The following STIL variants were observed in gnomAD, a reference collection of about 807,000 sequenced individuals.
STIL encodes STIL centriolar assembly protein.
Under a neutral mutation model 110.1 loss-of-function variants are expected in STIL, and 55 were observed. The observed-to-expected ratio is 0.50, with a 90% CI of 0.40 to 0.63. The LOEUF (loss-of-function observed/expected upper bound fraction) is 0.63, where lower values mean the gene tolerates loss of function less well. STIL is among the 20% of genes least tolerant of loss of function. The probability of loss-of-function intolerance (pLI) is 0.00; values close to 1 mark genes in which losing one functional copy is unlikely to be tolerated. For missense variants in STIL, 1,358 were observed against 1,530.0 expected (o/e 0.89, Z 1.87); for synonymous variants, 481 against 530.0 (o/e 0.91, Z 1.27).
intron 14 of STIL, among the ~76,000 whole-genome samples, chr1:47,266,364 T>G (rs547906065): frequency 6.6e-6 from 1 of 152,094 alleles, no homozygotes; most frequent in South Asian, 2.1e-4. Context: ...AGTTCACCTT[T>G]TTTTATTTTT....
Position 47,251,694 on chromosome 1 carries a change from T to C in STIL, c.3309A>G (p.Arg1103=), listed in dbSNP as rs566133357. The C allele has an allele frequency of 1.9e-6, 3 of 1,614,242 alleles. No homozygotes were observed. Among genetic ancestry groups the C allele is most frequent in the Middle Eastern group, 1.6e-4 (1 of 6,062 alleles). Residue 1103 remains arginine (R), a synonymous_variant, in exon 17 of 17, where the codon AGA becomes AGG. Coordinates refer to ENST00000371877, the MANE Select transcript of STIL (RefSeq NM_001048166.1). Reference sequence around the variant, plus strand: ...AAATTAAACTAAGCCCCACTGTGCTTCTGTCTGTATTAATATGGAGAAGGC... The same window carrying C: ...AAATTAAACTAAGCCCCACTGTGCTCCTGTCTGTATTAATATGGAGAAGGC... The part of the protein sequence containing the change: ...PFSLLHINTD[R]STVGLSLISP...
intron 13 of STIL, among the ~76,000 whole-genome samples, chr1:47,271,684 T>G (rs1042060540): frequency 2.6e-5 from 4 of 151,826 alleles, no homozygotes; most frequent in Admixed American, 1.3e-4. Context: ...CTCACGCCTG[T>G]AATCCCAACA....
intron 1 of STIL, among the ~76,000 whole-genome samples, chr1:47,312,326 T>G (rs1483444871): frequency 6.6e-6 from 1 of 151,900 alleles, no homozygotes. Context: ...CCGTCTCTAC[T>G]AAAAATACAA....
chr1:47,300,751 C>T (rs1435565638), intron 5 of STIL, among the ~76,000 whole-genome samples: 3 of 152,182 alleles, frequency 2.0e-5, no homozygotes, highest in Non-Finnish European at 2.9e-5. Flanking sequence ...CGTAAGCCAC[C>T]GTGCCTGGCC....
At chr1:47,305,312 G>A (rs1197698133) in intron 2 of STIL, 1 of 263,926 alleles carries the variant, frequency 3.8e-6, no homozygotes, top group Non-Finnish European at 7.2e-6. Context: ...TTTTAGTAGA[G>A]ACGGGGTTTC....
intron 8 of STIL, among the ~76,000 whole-genome samples, chr1:47,293,207 C>T (rs890688634): frequency 1.3e-5 from 2 of 152,082 alleles, no homozygotes; most frequent in Non-Finnish European, 2.9e-5. Flanking sequence ...CAGTTTTTTT[C>T]CACCCCCAAA....
chr1:47,253,146 G>C (rs1328357808), intron 16 of STIL, among the ~76,000 whole-genome samples: 1 of 152,164 alleles, frequency 6.6e-6, no homozygotes. Context: ...ATATATGCCA[G>C]GTACTCTATT....
chr1:47,252,418 G>A (rs1344477177), intron 16 of STIL, among the ~76,000 whole-genome samples: 2 of 151,924 alleles, frequency 1.3e-5, no homozygotes, highest in East Asian at 3.9e-4. Flanking sequence ...TAAAAAAAGG[G>A]ATACAAATAA....
chr1:47,264,193 G>A (rs757098160), intron 14 of STIL, among the ~76,000 whole-genome samples: 3 of 152,180 alleles, frequency 2.0e-5, no homozygotes, highest in Non-Finnish European at 4.4e-5. Flanking sequence ...CTTTCACCAC[G>A]TGAGGACACA....
rs202088055 is a variant in STIL, at chr1:47,260,419, T to C, written c.2950A>G (p.Thr984Ala). The C allele has an allele frequency of 8.0e-5, 129 of 1,613,924 alleles. No homozygotes were observed. Among genetic ancestry groups the C allele is most frequent in the Admixed American group, 1.7e-5 (1 of 59,998 alleles). The part of the protein sequence containing the change: ...TQNVYHTKKK[T>A]HHSRLVDKDC... ...TTGTCCACCAGTCTTGAATGATGTG[T>C]TTTTTTCTTTGTATGGTAAACGTTT... The change falls in exon 16 of 17, where the codon ACA (threonine) becomes GCA (alanine). Residue 984 changes from threonine to alanine, a missense_variant. Thr to Ala is a moderately conservative substitution (Grantham distance 58). Coordinates refer to ENST00000371877, the MANE Select transcript of STIL (RefSeq NM_001048166.1).
At chr1:47,279,870 T>C (rs1162982115) in intron 12 of STIL, among the ~76,000 whole-genome samples, 1 of 152,172 alleles carries the variant, frequency 6.6e-6, no homozygotes, top group Non-Finnish European at 1.5e-5. Flanking sequence ...AGGCATTATA[T>C]AGGGCTGACA....
intron 12 of STIL, among the ~76,000 whole-genome samples, chr1:47,279,456 A>C (rs916872753): frequency 2.6e-5 from 4 of 152,088 alleles, no homozygotes; most frequent in African/African-American, 7.2e-5. Context: ...GTCAGTGAGG[A>C]AAGAAGAAAA....
At position 47,250,959 on chromosome 1, in the gene STIL, T is replaced by C; in HGVS notation, c.*177A>G. ...ATGTTGAACAGCTCTATTTGAACAA[T>C]GAGAACTTAGTCCTATCACCAGCCA... On this transcript the variant is annotated 3_prime_UTR_variant, in exon 17 of 17. Transcript: ENST00000371877. 1 of 610,432 alleles carries C rather than the reference T, an allele frequency of 1.6e-6. No individual in the cohort carries two copies. The highest frequency in any genetic ancestry group is 2.8e-6 in the Non-Finnish European group (1 of 352,944). The allele number at this position is 610,432 out of a possible 1,614,324, so 37.8% of individuals were successfully genotyped here.
intron 10 of STIL, among the ~76,000 whole-genome samples, chr1:47,285,279 G>A (rs1029381626): frequency 1.3e-5 from 2 of 151,512 alleles, no homozygotes; most frequent in Non-Finnish European, 2.9e-5. Context: ...CAATCCTCCC[G>A]CCTCAGCCTT....
At position 47,250,830 on chromosome 1, in the gene STIL, T is replaced by G. The variant is rs1644163678; in HGVS notation, c.*306A>C. The G allele has an allele frequency of 7.6e-6, 2 of 263,266 alleles. No homozygotes were observed. The highest frequency in any genetic ancestry group is 2.3e-4 in the South Asian group (2 of 8,652). The allele number at this position is 263,266 out of a possible 1,614,324, so 16.3% of individuals were successfully genotyped here. A position where few individuals can be genotyped will look rare whatever the true frequency, so the allele number is the denominator to read the frequency against. On this transcript the variant is annotated 3_prime_UTR_variant, in exon 17 of 17. Transcript: ENST00000371877. ...CAAAACTCCGTCTCAAAAAAAAAAGTACAGTATAAAAGAGCAGTTGAGACT... is the reference window on the plus strand; with the variant it reads ...CAAAACTCCGTCTCAAAAAAAAAAGGACAGTATAAAAGAGCAGTTGAGACT...
At chr1:47,284,366 CTT>C (rs1261171191) in intron 10 of STIL, among the ~76,000 whole-genome samples, 1 of 152,062 alleles carries the variant, frequency 6.6e-6, no homozygotes, top group African/African-American at 2.4e-5. Context: ...TTTAACATCA[CTT>C]TTTTTGAAGC....
At position 47,299,983 on chromosome 1, in the gene STIL, G is replaced by T; in HGVS notation, c.623C>A (p.Pro208His). The change falls in exon 6 of 17, where the codon CCC (proline) becomes CAC (histidine). Residue 208 changes from proline (P) to histidine (H), a missense_variant. By Grantham distance (77) the Pro-to-His change is moderately conservative (BLOSUM62 -2). Transcript: ENST00000371877. ...TCTTGCCAGAGCTGTTGGAATAATG[G>T]GGATGGGCTTCACAGGTGTGCATTT... Reference protein sequence around the residue: ...NFKCTPVKPIPIIPTALARNL... With the variant: ...NFKCTPVKPIHIIPTALARNL... 1 of 1,614,068 alleles carries T rather than the reference G, an allele frequency of 6.2e-7. No homozygotes were observed. The highest frequency in any genetic ancestry group is 8.5e-7 in the Non-Finnish European group (1 of 1,179,990).
At chr1:47,277,679 A>G (rs1645032181) in intron 12 of STIL, among the ~76,000 whole-genome samples, 1 of 152,158 alleles carries the variant, frequency 6.6e-6, no homozygotes, top group African/African-American at 2.4e-5. Context: ...GAGTGACGAG[A>G]TGAGAGGTGA....
intron 7 of STIL, 71 bp from the exon 8 acceptor site, chr1:47,293,615 G>A: frequency 7.8e-7 from 1 of 1,282,958 alleles, no homozygotes; most frequent in Non-Finnish European, 1.1e-6. Context: ...TTCTTCCTAA[G>A]ATAACAAAGT....
Sources: allele counts gnomAD v4.1 joint callset (sites outside exome capture counted in the v4.1 genomes callset), GRCh38; gene constraint gnomAD v4.1.1; transcripts MANE v1.5; gene names NCBI Gene and HGNC (gene_info 2026-07-23, HGNC 2026-07-21).